Variants in ITSN2 observed in about 807,000 individuals in gnomAD.
The protein encoded by ITSN2 is intersectin 2.
ITSN2 carries 156 observed loss-of-function variants against 243.7 expected under a neutral mutation model. That is an observed-to-expected ratio of 0.64 (90% CI 0.56 to 0.73). The LOEUF (loss-of-function observed/expected upper bound fraction) is 0.73, where lower values mean the gene tolerates loss of function less well. ITSN2 is among the 30% of genes least tolerant of loss of function. ITSN2 has a pLI of 0.00. For missense variants in ITSN2, 1,801 were observed against 1,996.1 expected (o/e 0.90, Z 1.86); for synonymous variants, 703 against 699.9 (o/e 1.00, Z -0.07).
intron 2 of ITSN2, among the ~76,000 whole-genome samples, chr2:24,321,404 A>G (rs2151804245): frequency 6.6e-6 from 1 of 152,350 alleles, no homozygotes; most frequent in East Asian, 1.9e-4. Context: ...ATATCATTGA[A>G]AAGTAGGTGC....
intron 8 of ITSN2, among the ~76,000 whole-genome samples, chr2:24,306,140 T>C (rs1295221352): frequency 6.6e-6 from 1 of 152,032 alleles, no homozygotes; most frequent in Non-Finnish European, 1.5e-5. Context: ...CCACCACGCC[T>C]GGTTAATTTT....
intron 17 of ITSN2, among the ~76,000 whole-genome samples, chr2:24,279,568 T>C (rs1297860927): frequency 6.6e-6 from 1 of 152,170 alleles, no homozygotes; most frequent in Non-Finnish European, 1.5e-5. Context: ...AGGCAGATAA[T>C]GTCAGCATGT....
At position 24,312,954 on chromosome 2, in the gene ITSN2, A is replaced by G. The variant is rs147265060; in HGVS notation, c.188+506T>C. ...CCAAATTATAAGGAAATTTTTCTCA[A>G]TGATAATGTATATATCTTTCCTTAG... On this transcript the variant is annotated intron_variant, in intron 4 of 39. Transcript: ENST00000355123. 1.5e-3 allele frequency among the ~76,000 whole-genome samples: 227 copies of G among 152,310 alleles called. 1 individual carries two copies. The highest frequency in any genetic ancestry group is 5.1e-3 in the African/African-American group (214 of 41,568).
chr2:24,263,961 T>G (rs1437971822), intron 20 of ITSN2, among the ~76,000 whole-genome samples: 1 of 152,236 alleles, frequency 6.6e-6, no homozygotes, highest in Non-Finnish European at 1.5e-5. Context: ...TTTTAACTTT[T>G]TTAACAATGG....
At chr2:24,207,172 T>C (rs1414998524) in intron 37 of ITSN2, among the ~76,000 whole-genome samples, 1 of 152,036 alleles carries the variant, frequency 6.6e-6, no homozygotes, top group African/African-American at 2.4e-5. Context: ...GAAAAAAGAA[T>C]ACTCCAGAAA....
chr2:24,255,875 C>T (rs1454167773), intron 23 of ITSN2, among the ~76,000 whole-genome samples: 2 of 152,118 alleles, frequency 1.3e-5, no homozygotes, highest in East Asian at 1.9e-4. Context: ...CATGGAGAAA[C>T]CCCGTCTCTG....
chr2:24,241,215 TG>T (rs1172164812), intron 29 of ITSN2: 1 of 152,168 alleles, frequency 6.6e-6, no homozygotes, highest in Non-Finnish European at 1.5e-5. Flanking sequence ...CTTTGTATAC[TG>T]GGACATGTAG....
rs1357207529 is a variant in ITSN2 at position 24,208,314 on chromosome 2, G to A, written c.4601C>T (p.Ala1534Val). Residue 1534 changes from alanine (A) to valine (V), a missense_variant, in exon 37 of 40, where the codon GCC becomes GTC. This residue lies in a region of ITSN2 where 928 missense variants were observed against 1,065.4 expected (regional missense o/e 0.87). Coordinates refer to ENST00000355123, the MANE Select transcript of ITSN2 (RefSeq NM_006277.3). ...LRTDNINERT[A>V]WVQKIKAASE... The stretch of plus-strand genomic sequence containing the variant: ...CGCCGCCTTGATCTTCTGCACCCAG[G>A]CGGTCCTACGGGAGAAGCAGGGGCA... 6 of 1,611,900 alleles carry A rather than the reference G, an allele frequency of 3.7e-6. No individual in the cohort carries two copies. Among genetic ancestry groups the A allele is most frequent in the African/African-American group, 1.3e-5 (1 of 74,828 alleles).
At chr2:24,267,322 C>T (rs1306991510) in intron 20 of ITSN2, among the ~76,000 whole-genome samples, 2 of 147,960 alleles carry the variant, frequency 1.4e-5, no homozygotes, top group South Asian at 2.1e-4. Context: ...CACCATGGCA[C>T]ATGTATACCT....
At chr2:24,269,755 T>C (rs1474907171) in intron 20 of ITSN2, among the ~76,000 whole-genome samples, 1 of 152,164 alleles carries the variant, frequency 6.6e-6, no homozygotes. Flanking sequence ...ATAAAAAATA[T>C]AACCAAAAAT....
intron 1 of ITSN2, among the ~76,000 whole-genome samples, chr2:24,333,677 G>A (rs878944169): frequency 3.3e-5 from 5 of 152,178 alleles, no homozygotes; most frequent in Admixed American, 3.3e-4. Flanking sequence ...ATAAGGCAAA[G>A]AACACTGCTT....
intron 32 of ITSN2, among the ~76,000 whole-genome samples, chr2:24,214,040 CAT>C (rs1256548126): frequency 6.6e-6 from 1 of 152,236 alleles, no homozygotes; most frequent in East Asian, 1.9e-4. Flanking sequence ...AAGGCACCCA[CAT>C]GTTAAATAAC....
chr2:24,297,934 T>G (rs1259192213), intron 13 of ITSN2, among the ~76,000 whole-genome samples: 1 of 152,158 alleles, frequency 6.6e-6, no homozygotes, highest in Non-Finnish European at 1.5e-5. Flanking sequence ...ATGTGACTAA[T>G]GACATTAAGA....
In ITSN2 at chr2:24,213,858, C is replaced by T. The variant is rs79008425; in HGVS notation, c.3991-1110G>A. 1.5e-3 allele frequency among the ~76,000 whole-genome samples: 226 copies of T among 152,314 alleles called. 3 individuals carry two copies. The East Asian group carries it at 0.033, about 22-fold the overall frequency. ...CCTGCCTCCTACCCTTATCACAAAT[C>T]GAAGGGCTCTGTCCTCACTGCCTTA... On this transcript the variant is annotated intron_variant, in intron 32 of 39. Transcript: ENST00000355123.
chr2:24,246,851 G>A lies in ITSN2; in HGVS notation c.3331C>T (p.His1111Tyr), dbSNP rs1367698367. Reference sequence around the variant, plus strand: ...CTACTTGGACCCAAAAGTTTAACATGACTGGCAGGAAACCATCCTTTCTGT... The same window carrying A: ...CTACTTGGACCCAAAAGTTTAACATAACTGGCAGGAAACCATCCTTTCTGT... ...KRQKGWFPAS[H>Y]VKLLGPSSER... The change falls in exon 28 of 40, where the codon CAT (histidine) becomes TAT (tyrosine). Residue 1111 changes from histidine (H) to tyrosine (Y), a missense_variant. Physicochemically the swap from His to Tyr is moderately conservative, Grantham distance 83. This residue lies in a region of ITSN2 where 928 missense variants were observed against 1,065.4 expected (regional missense o/e 0.87). Coordinates refer to ENST00000355123, the MANE Select transcript of ITSN2 (RefSeq NM_006277.3). The A allele has an allele frequency of 1.2e-6, 2 of 1,613,148 alleles. No homozygotes were observed. The highest frequency in any genetic ancestry group is 1.7e-5 in the Admixed American group (1 of 59,946).
Position 24,203,677 on chromosome 2 carries a change from C to T in ITSN2, c.5043G>A (p.Glu1681=), listed in dbSNP as rs370324989. Reference sequence around the variant, plus strand: ...GCTGCAGGTCAAAACGGACCCAGACCTCCCCGGTGGGGACCTCATGCAGCA... The same window carrying T: ...GCTGCAGGTCAAAACGGACCCAGACTTCCCCGGTGGGGACCTCATGCAGCA... The part of the protein sequence containing the change: ...RLLLHEVPTG[E]VWVRFDLQLF... Residue 1681 remains glutamate, a synonymous_variant, in exon 40 of 40, where the codon GAG becomes GAA. Transcript: ENST00000355123. 12 of 1,614,052 alleles carry T rather than the reference C, an allele frequency of 7.4e-6. No individual in the cohort carries two copies. Among genetic ancestry groups the T allele is most frequent in the Non-Finnish European group, 9.3e-6 (11 of 1,180,042 alleles).
intron 12 of ITSN2, among the ~76,000 whole-genome samples, chr2:24,299,046 T>TC (rs1309920504): frequency 1.3e-5 from 2 of 149,320 alleles, no homozygotes; most frequent in African/African-American, 5.0e-5. Context: ...TTTTTTTTTT[T>TC]CCAGACAGCA....
chr2:24,217,202 C>T (rs1191420794), intron 31 of ITSN2, among the ~76,000 whole-genome samples: 1 of 151,556 alleles, frequency 6.6e-6, no homozygotes, highest in Non-Finnish European at 1.5e-5. Context: ...TGAGCTGAGA[C>T]TGTGCCACTG....
chr2:24,207,144 G>A (rs946795886), intron 37 of ITSN2, among the ~76,000 whole-genome samples: 1 of 152,128 alleles, frequency 6.6e-6, no homozygotes, highest in Non-Finnish European at 1.5e-5. Flanking sequence ...AGCAGGAAGA[G>A]GTATAAGAGC....
Sources: allele counts gnomAD v4.1 joint callset (sites outside exome capture counted in the v4.1 genomes callset), GRCh38; gene constraint gnomAD v4.1.1; regional missense constraint gnomAD v4.1.1; transcripts MANE v1.5; gene names NCBI Gene and HGNC (gene_info 2026-07-23, HGNC 2026-07-21).